Variants in POLR1B observed in about 807,000 individuals in gnomAD.
POLR1B encodes RNA polymerase I subunit B.
In POLR1B, 30 loss-of-function variants were observed where a neutral mutation model predicts 105.8. The observed-to-expected ratio is 0.28, with a 90% CI of 0.21 to 0.38. POLR1B has a LOEUF of 0.38. POLR1B is among the 10% of genes least tolerant of loss of function. The pLI is 1.00. For missense variants in POLR1B, 976 were observed against 1,435.8 expected (o/e 0.68, Z 5.17); for synonymous variants, 485 against 505.1 (o/e 0.96, Z 0.53).
At chr2:112,563,746 T>C (rs559684762) in intron 9 of POLR1B, among the ~76,000 whole-genome samples, 6 of 151,658 alleles carry the variant, frequency 4.0e-5, no homozygotes, top group Non-Finnish European at 8.8e-5. Context: ...AAAAAAAAAT[T>C]TAAAAATTAG....
At chr2:112,548,458 A>G (rs1683176804) in intron 3 of POLR1B, among the ~76,000 whole-genome samples, 1 of 152,262 alleles carries the variant, frequency 6.6e-6, no homozygotes, top group Non-Finnish European at 1.5e-5. Flanking sequence ...GTAGCTGTTT[A>G]TTACAGAAAT....
rs1684804935 is a variant in POLR1B at position 112,575,172 on chromosome 2, A to G, written c.2851A>G (p.Ile951Val). The G allele has an allele frequency of 1.2e-6, 2 of 1,614,134 alleles. No individual in the cohort carries two copies. Among genetic ancestry groups the G allele is most frequent in the Admixed American group, 1.7e-5 (1 of 60,014 alleles). Residue 951 changes from isoleucine to valine, a missense_variant, in exon 15 of 15, where the codon ATC becomes GTC. Ile to Val is a conservative substitution (Grantham distance 29). Transcript: ENST00000263331. This position sits in a 1 kb window ranked among gnomAD's most constrained non-coding sequence, Gnocchi z 5.3. ...TCTCTGCCATGATGCTACACCCTTC[A>G]TCTTCTCAGAGGAGAACTCGGCCTT... ...HGLCHDATPFIFSEENSALEY... is the reference protein window; with the variant it reads ...HGLCHDATPFVFSEENSALEY...
intron 10 of POLR1B, among the ~76,000 whole-genome samples, chr2:112,565,895 C>T (rs1357383573): frequency 6.6e-6 from 1 of 152,106 alleles, no homozygotes; most frequent in Non-Finnish European, 1.5e-5. Context: ...TTCTGGTGAC[C>T]AGCCCCATCC....
chr2:112,548,615 C>CTTT (rs199599329), intron 3 of POLR1B, among the ~76,000 whole-genome samples: 2 of 142,740 alleles, frequency 1.4e-5, no homozygotes, highest in African/African-American at 2.6e-5. Context: ...TTTTATCTTT[C>CTTT]TTTTTTTTTT....
rs1227061628 is a variant in POLR1B, at chr2:112,568,099, G to A, written c.1879G>A (p.Ala627Thr). 6.2e-7 allele frequency: 1 copy of A among 1,614,140 alleles called. No homozygotes were observed. The highest frequency in any genetic ancestry group is 8.5e-7 in the Non-Finnish European group (1 of 1,179,992). The stretch of plus-strand genomic sequence containing the variant: ...ACTGGTACGGCCTGTGCAGAACTTA[G>A]CATTGGGCAAAGAAGAGCTAATTGG... ...CRLVRPVQNL[A>T]LGKEELIGTM... The change falls in exon 11 of 15, where the codon GCA becomes ACA. Residue 627 changes from alanine to threonine, a missense_variant. Around this residue, in one of 12 missense-constraint regions of POLR1B, gnomAD observed 184 missense variants for 197.4 expected, o/e 0.93. Coordinates refer to ENST00000263331, the MANE Select transcript of POLR1B (RefSeq NM_019014.6).
In POLR1B at chr2:112,575,671, G is replaced by C; in HGVS notation, c.3350G>C (p.Arg1117Pro). 1 of 1,613,914 alleles carries C rather than the reference G, an allele frequency of 6.2e-7. No homozygotes were observed. Among genetic ancestry groups the C allele is most frequent in the Non-Finnish European group, 8.5e-7 (1 of 1,179,962 alleles). ...ACTGTTTCTGTGCCTTATGTTTTTC[G>C]GTATTTTGTAGCTGAACTGGCAGCT... ...IDTVSVPYVFRYFVAELAAMN... is the reference protein window; with the variant it reads ...IDTVSVPYVFPYFVAELAAMN... The change falls in exon 15 of 15, where the codon CGG becomes CCG. Residue 1117 changes from arginine (R) to proline (P), a missense_variant. Arg to Pro is a moderately radical substitution (Grantham distance 103). This residue lies in a region of POLR1B where 77 missense variants were observed against 104.5 expected (regional missense o/e 0.74). Transcript: ENST00000263331. This position sits in a 1 kb window ranked among gnomAD's most constrained non-coding sequence, Gnocchi z 5.3.
intron 1 of POLR1B, among the ~76,000 whole-genome samples, chr2:112,544,037 T>C (rs905658433): frequency 1.3e-5 from 2 of 151,722 alleles, no homozygotes; most frequent in Non-Finnish European, 2.9e-5. Flanking sequence ...TGCAATGAGC[T>C]ATGATTGTGC....
chr2:112,543,569 GGGACCCTACC>G (rs1395876673), intron 1 of POLR1B, among the ~76,000 whole-genome samples: 1 of 152,138 alleles, frequency 6.6e-6, no homozygotes, highest in African/African-American at 2.4e-5. Context: ...ACATGCTTCG[GGGACCCTACC>G]TGTGGTTTTG....
intron 12 of POLR1B, among the ~76,000 whole-genome samples, chr2:112,569,868 GT>G (rs879573696): frequency 1.3e-5 from 2 of 150,322 alleles, no homozygotes; most frequent in Non-Finnish European, 3.0e-5. Context: ...CTCAAATTTT[GT>G]TTTTTTTCAG....
At chr2:112,564,610 G>T (rs571372335) in intron 10 of POLR1B, 111 bp downstream of exon 10, 4 of 1,414,720 alleles carry the variant, frequency 2.8e-6, no homozygotes, top group African/African-American at 1.4e-5. Flanking sequence ...GTGGTCAGGG[G>T]GTCACAATGT....
chr2:112,546,566 T>A (rs1234726227), intron 1 of POLR1B, among the ~76,000 whole-genome samples: 2 of 127,184 alleles, frequency 1.6e-5, no homozygotes, highest in East Asian at 2.3e-4. Flanking sequence ...TTTTTTTTTT[T>A]TTTTTTTTTT....
In POLR1B at chr2:112,578,222, A is replaced by G. The variant is rs61411579; in HGVS notation, c.*2493A>G. On this transcript the variant is annotated 3_prime_UTR_variant, in exon 15 of 15. Coordinates refer to ENST00000263331, the MANE Select transcript of POLR1B (RefSeq NM_019014.6). Reference sequence around the variant, plus strand: ...TGTGTTGCATGTGATATATAGTTCTATTTCATTTTATCACCTGTGTAGATG... The same window carrying G: ...TGTGTTGCATGTGATATATAGTTCTGTTTCATTTTATCACCTGTGTAGATG... Among the ~76,000 whole-genome samples, 985 of 152,288 alleles carry G rather than the reference A, an allele frequency of 6.5e-3. 10 individuals are homozygous for G. The highest frequency in any genetic ancestry group is 0.023 in the African/African-American group (946 of 41,552).
chr2:112,565,138 A>G (rs1450047883), intron 10 of POLR1B, among the ~76,000 whole-genome samples: 2 of 152,244 alleles, frequency 1.3e-5, no homozygotes, highest in Non-Finnish European at 2.9e-5. Flanking sequence ...TAATGCTGCT[A>G]TGAACATGAG....
chr2:112,542,333 C>G (rs1202502397), upstream of POLR1B: 7 of 1,540,834 alleles, frequency 4.5e-6, no homozygotes, highest in South Asian at 2.3e-5. Context: ...ACGTTGACCC[C>G]GAGAAACCGA....
At chr2:112,561,445 TG>T (rs1453135762) in intron 9 of POLR1B, among the ~76,000 whole-genome samples, 1 of 143,380 alleles carries the variant, frequency 7.0e-6, no homozygotes, top group African/African-American at 2.6e-5. Context: ...AATGTATTTA[TG>T]GTTCATGGAA....
chr2:112,542,156 G>A (rs1001307460), upstream of POLR1B: 12 of 1,535,610 alleles, frequency 7.8e-6, no homozygotes, highest in Non-Finnish European at 9.6e-6. Flanking sequence ...GAGCCAATGA[G>A]AGCCAAAGAG....
chr2:112,557,825 A>G, intron 7 of POLR1B, 85 bp from the exon 8 acceptor site: 1 of 703,592 alleles, frequency 1.4e-6, no homozygotes, highest in East Asian at 4.6e-5. Context: ...GTCTCAAGCG[A>G]TCCACCCAAT....
rs200096450 is a variant in POLR1B, at chr2:112,559,459, C to T, written c.1497C>T (p.Pro499=). The T allele has an allele frequency of 9.4e-5, 152 of 1,614,218 alleles. No homozygotes were observed. Among genetic ancestry groups the T allele is most frequent in the Middle Eastern group, 1.6e-4 (1 of 6,062 alleles). Residue 499 remains proline (P), a synonymous_variant, in exon 9 of 15, where the codon CCC becomes CCT. Coordinates refer to ENST00000263331, the MANE Select transcript of POLR1B (RefSeq NM_019014.6). ...CAGAGTCCTGGGGCTTCCTTTGTCC[C>T]GTGCATACCCCAGACGGGGAGCCCT... ...LLPESWGFLC[P]VHTPDGEPCG... is the part of the protein sequence containing the mutation.
rs143298284 is a variant in POLR1B, at chr2:112,578,944, A to G, written c.*3215A>G. 7.5e-3 allele frequency among the ~76,000 whole-genome samples: 1,142 copies of G among 152,298 alleles called. 14 individuals are homozygous for G. Among genetic ancestry groups the G allele is most frequent in the African/African-American group, 0.026 (1,086 of 41,564 alleles). On this transcript the variant is annotated 3_prime_UTR_variant, in exon 15 of 15. Coordinates refer to ENST00000263331, the MANE Select transcript of POLR1B (RefSeq NM_019014.6). ...CAAAACTGGCTGGGTGCGGTGGTGC[A>G]CACCTGTAATCCCAGGACTTTGGCA...
Sources: gnomAD v4.1 joint callset for allele counts (sites outside exome capture counted in the v4.1 genomes callset) on GRCh38, gnomAD v4.1.1 for gene constraint, gnomAD v4.1.1 regional missense constraint, Gnocchi (gnomAD v3.1) non-coding constraint, MANE v1.5 for transcripts, NCBI Gene and HGNC (gene_info 2026-07-23, HGNC 2026-07-21) for gene names.